Variants in FRMPD4 observed in about 807,000 individuals in gnomAD.
FRMPD4 encodes FERM and PDZ domain-containing protein 4.
FRMPD4 carries 22 observed loss-of-function variants against 94.1 expected under a neutral mutation model. The observed-to-expected ratio is 0.23, with a 90% confidence interval of 0.17 to 0.33. FRMPD4 has a LOEUF of 0.33. Ranked by LOEUF, FRMPD4 falls within the 10% of genes least tolerant of loss-of-function variation. FRMPD4 has a pLI of 1.00. For synonymous variants in FRMPD4, 631 were observed against 548.6 expected, an observed-to-expected ratio of 1.15 and a Z score of -2.10; for missense variants, 1,111 against 1,339.9, an observed-to-expected ratio of 0.83 and a Z score of 2.67.
At chrX:11,846,328 G>A (rs1203445504) in intron 1 of FRMPD4, among the ~76,000 whole-genome samples, 2 of 108,557 alleles carry the variant, frequency 1.8e-5, no homozygotes, top group African/African-American at 6.7e-5. Context: ...TACAAGGGAC[G>A]TGAAGGACCT....
intron 3 of FRMPD4, among the ~76,000 whole-genome samples, chrX:11,963,689 G>A (rs937042224): frequency 5.3e-5 from 6 of 112,230 alleles, no homozygotes; most frequent in African/African-American, 1.9e-4. Flanking sequence ...AGATGCATGG[G>A]CAAGCCAGTT....
At chrX:12,400,702 C>T (rs1353122641) in intron 1 of FRMPD4, among the ~76,000 whole-genome samples, 1 of 111,651 alleles carries the variant, frequency 9.0e-6, no homozygotes, top group Non-Finnish European at 1.9e-5. Flanking sequence ...CAGGTTCAGG[C>T]CAAATATCAA....
rs190324978 is a variant in FRMPD4, at chrX:12,530,972, G to A, written c.158+32176G>A. ...CAGTCATCCAAGGAAATGCAAGAGG[G>A]AAGTTAGTTTTAGGGATAGAGGACA... On this transcript the variant is annotated intron_variant, in intron 2 of 16. Coordinates refer to ENST00000675598, the MANE Select transcript of FRMPD4 (RefSeq NM_001368397.1). 2.4e-3 allele frequency among the ~76,000 whole-genome samples: 266 copies of A among 111,253 alleles called. 1 individual carries two copies. Among genetic ancestry groups the A allele is most frequent in the African/African-American group, 8.4e-3 (256 of 30,582 alleles).
At chrX:12,050,087 G>T (rs1194188936) in intron 3 of FRMPD4, among the ~76,000 whole-genome samples, 1 of 111,078 alleles carries the variant, frequency 9.0e-6, no homozygotes, top group Non-Finnish European at 1.9e-5. Context: ...ATTGAAGAAA[G>T]AAAAGTATTT....
chrX:12,472,407 C>T (rs1021323939), intron 1 of FRMPD4, among the ~76,000 whole-genome samples: 4 of 112,442 alleles, frequency 3.6e-5, no homozygotes, highest in Admixed American at 9.4e-5. Flanking sequence ...TCTTAAACAA[C>T]GACTTGTTCC....
chrX:12,673,883 G>A (rs976087542), intron 4 of FRMPD4, among the ~76,000 whole-genome samples: 2 of 112,020 alleles, frequency 1.8e-5, no homozygotes, highest in African/African-American at 6.5e-5. Context: ...AGTGGGCCGA[G>A]CCACAAATCA....
chrX:12,537,090 A>C (rs987968504), intron 2 of FRMPD4, among the ~76,000 whole-genome samples: 1 of 111,767 alleles, frequency 8.9e-6, no homozygotes, highest in African/African-American at 3.3e-5. Flanking sequence ...AATTTTAATA[A>C]AAATATGTTT....
intron 2 of FRMPD4, among the ~76,000 whole-genome samples, chrX:12,553,421 T>G (rs2058558674): frequency 1.2e-5 from 1 of 84,447 alleles, no homozygotes; most frequent in Non-Finnish European, 2.3e-5. Context: ...TTTTGTGAGA[T>G]CTATCCATAT....
intron 1 of FRMPD4, among the ~76,000 whole-genome samples, chrX:12,208,325 G>T (rs2056716900): frequency 9.0e-6 from 1 of 110,596 alleles, no homozygotes; most frequent in Admixed American, 9.7e-5. Flanking sequence ...AAAGTCAATA[G>T]CTGAAGACCA....
chrX:12,013,281 C>T (rs923065327), intron 3 of FRMPD4, among the ~76,000 whole-genome samples: 5 of 111,953 alleles, frequency 4.5e-5, no homozygotes, highest in Admixed American at 3.8e-4. Context: ...ATTATATCCC[C>T]AACTTTCCAT....
intron 1 of FRMPD4, among the ~76,000 whole-genome samples, chrX:12,258,308 C>T (rs1021041333): frequency 1.7e-4 from 19 of 110,340 alleles, no homozygotes; most frequent in South Asian, 1.6e-3. Context: ...ACTGGATTAA[C>T]GCCATTATTG....
chrX:12,217,414 C>T (rs1252556355), intron 1 of FRMPD4, among the ~76,000 whole-genome samples: 1 of 111,921 alleles, frequency 8.9e-6, no homozygotes, highest in Non-Finnish European at 1.9e-5. Context: ...CATTCAGAGG[C>T]TCTCTTAGTG....
At chrX:12,071,884 A>G (rs1306721496) in intron 3 of FRMPD4, among the ~76,000 whole-genome samples, 1 of 111,925 alleles carries the variant, frequency 8.9e-6, no homozygotes, top group Non-Finnish European at 1.9e-5. Context: ...ATGCACTTCC[A>G]TGAACACTTT....
intron 3 of FRMPD4, among the ~76,000 whole-genome samples, chrX:11,886,915 C>A (rs1394370708): frequency 9.1e-6 from 1 of 110,483 alleles, no homozygotes; most frequent in Non-Finnish European, 1.9e-5. Context: ...TCGGGGGGAC[C>A]TTTCCTGATG....
chrX:11,919,952 T>C (rs1485358112), intron 3 of FRMPD4, among the ~76,000 whole-genome samples: 1 of 112,276 alleles, frequency 8.9e-6, no homozygotes, highest in African/African-American at 3.2e-5. Context: ...AGAATGGATA[T>C]TTATTAGTGA....
intron 1 of FRMPD4, among the ~76,000 whole-genome samples, chrX:12,471,915 G>C (rs752592748): frequency 2.7e-5 from 3 of 111,711 alleles, no homozygotes; most frequent in Non-Finnish European, 5.7e-5. Flanking sequence ...ACAAAAATGT[G>C]GATATATAAT....
chrX:12,528,319 G>GT (rs62720861), intron 2 of FRMPD4, among the ~76,000 whole-genome samples: 2,071 of 73,742 alleles, frequency 0.028, 52 homozygotes, highest in African/African-American at 0.083. Context: ...TTTTGTTTTT[G>GT]TTTTTTTTTT....
At chrX:12,673,841 C>A (rs972492598) in intron 4 of FRMPD4, among the ~76,000 whole-genome samples, 14 of 111,665 alleles carry the variant, frequency 1.3e-4, no homozygotes, top group African/African-American at 4.6e-4. Flanking sequence ...CTACCCCACT[C>A]CCCAACTACA....
intron 2 of FRMPD4, among the ~76,000 whole-genome samples, chrX:12,562,939 C>T (rs1023935976): frequency 5.4e-5 from 6 of 112,096 alleles, no homozygotes; most frequent in Admixed American, 9.5e-5. Context: ...CATGAGCTAC[C>T]GTGTCCAGCT....
Sources: gnomAD v4.1 joint callset for allele counts (sites outside exome capture counted in the v4.1 genomes callset) on GRCh38, gnomAD v4.1.1 for gene constraint, MANE v1.5 for transcripts, NCBI Gene and HGNC (gene_info 2026-07-23, HGNC 2026-07-21) for gene names.